TNRC6B: variants seen among roughly 807,000 people sequenced by gnomAD.
TNRC6B encodes the protein trinucleotide repeat-containing gene 6B protein.
Under a neutral mutation model 203.6 loss-of-function variants are expected in TNRC6B, and 52 were observed. That is an observed-to-expected ratio of 0.26 (90% CI 0.20 to 0.32). The LOEUF is 0.32. Among genes scored for constraint, TNRC6B ranks in the 10% least tolerant of loss-of-function variants. The pLI is 1.00. For synonymous variants in TNRC6B, 838 were observed against 845.7 expected (o/e 0.99, Z 0.16); for missense variants, 1,923 against 2,286.2 (o/e 0.84, Z 3.24).
At chr22:40,273,738 C>T (rs374498596) in intron 7 of TNRC6B, 138 bp downstream of exon 7, 10 of 901,326 alleles carry the variant, frequency 1.1e-5, no homozygotes, top group South Asian at 3.7e-5. Context: ...AGTCACGACT[C>T]GCTGAGCAAC....
At chr22:40,311,865 A>T (rs1423163549) in intron 17 of TNRC6B, among the ~76,000 whole-genome samples, 2 of 152,218 alleles carry the variant, frequency 1.3e-5, no homozygotes, top group African/African-American at 4.8e-5. Flanking sequence ...TATAATGCAG[A>T]TCGTTCATAT....
At chr22:40,180,891 AC>A (rs146193685) in intron 1 of TNRC6B, among the ~76,000 whole-genome samples, 10 of 151,108 alleles carry the variant, frequency 6.6e-5, no homozygotes, top group East Asian at 5.8e-4. Flanking sequence ...ATTAACTGCC[AC>A]CCCCCCCACC....
chr22:40,107,176 T>TA (rs1442152976), intron 1 of TNRC6B: 1 of 536,816 alleles, frequency 1.9e-6, no homozygotes, highest in African/African-American at 1.9e-5. Flanking sequence ...GTATCCTATT[T>TA]AAGAAATCCT....
Position 40,267,841 on chromosome 22 carries a change from G to A in TNRC6B, c.2806+805G>A, listed in dbSNP as rs947614383. ...GCTATGATCTCACCACTGCACTCCA[G>A]TTTGGGAGACAGAGCGAGACCCTGT... On this transcript the variant is annotated intron_variant, in intron 5 of 22. Coordinates refer to ENST00000454349, the MANE Select transcript of TNRC6B (RefSeq NM_001162501.2). Among the ~76,000 whole-genome samples the A allele has an allele frequency of 3.3e-5, 5 of 151,776 alleles. No homozygotes were observed. In the Admixed American group the frequency reaches 3.3e-4, roughly 10 times the overall value.
chr22:40,282,459 GGAA>G (rs1425216632), intron 11 of TNRC6B, among the ~76,000 whole-genome samples: 17 of 152,192 alleles, frequency 1.1e-4, no homozygotes, highest in African/African-American at 3.9e-4. Context: ...TTATATAAAT[GGAA>G]GAAATTATTA....
intron 4 of TNRC6B, among the ~76,000 whole-genome samples, chr22:40,164,560 C>G (rs2068901184): frequency 6.6e-6 from 1 of 150,592 alleles, no homozygotes; most frequent in African/African-American, 2.4e-5. Context: ...GTCAGGAGTC[C>G]AAGACCAGCC....
chr22:40,157,820 A>T (rs1023414483), intron 4 of TNRC6B, among the ~76,000 whole-genome samples: 1 of 152,136 alleles, frequency 6.6e-6, no homozygotes, highest in Non-Finnish European at 1.5e-5. Flanking sequence ...ACTTTGCTTA[A>T]ATATGTTTTA....
rs1252616640 is a variant in TNRC6B at position 40,324,278 on chromosome 22, G to A, written c.*1037G>A. The A allele has an allele frequency of 1.3e-5, 2 of 151,360 alleles. No individual in the cohort carries two copies. The highest frequency in any genetic ancestry group is 1.9e-4 in the East Asian group (1 of 5,170). The allele number at this position is 151,360 out of a possible 1,614,324, so 9.4% of individuals were successfully genotyped here. ...AGGAGGTACCTCTTGGAGCAACGGTGTGTTTATTTCTGTTTTTTTTTTTTT... is the reference window on the plus strand; with the variant it reads ...AGGAGGTACCTCTTGGAGCAACGGTATGTTTATTTCTGTTTTTTTTTTTTT... On this transcript the variant is annotated 3_prime_UTR_variant, in exon 23 of 23. Coordinates refer to ENST00000454349, the MANE Select transcript of TNRC6B (RefSeq NM_001162501.2).
chr22:40,257,826 T>G (rs1321438316), intron 3 of TNRC6B, among the ~76,000 whole-genome samples: 1 of 151,966 alleles, frequency 6.6e-6, no homozygotes, highest in Non-Finnish European at 1.5e-5. Context: ...AGTTCGAGAC[T>G]AGCCTGGCCA....
At chr22:40,156,296 C>A in intron 4 of TNRC6B, 1 of 1,013,234 alleles carries the variant, frequency 9.9e-7, no homozygotes, top group Non-Finnish European at 1.5e-6. Context: ...CATTGGGGAA[C>A]TCACCAGTTG....
intron 2 of TNRC6B, among the ~76,000 whole-genome samples, chr22:40,250,409 T>C (rs1211683920): frequency 6.6e-6 from 1 of 152,244 alleles, no homozygotes; most frequent in African/African-American, 2.4e-5. Flanking sequence ...CTGTCCAGCC[T>C]TCTAGGTTAA....
At position 40,307,971 on chromosome 22, in the gene TNRC6B, C is replaced by G. The variant is rs180994621; in HGVS notation, c.4121-541C>G. On this transcript the variant is annotated intron_variant, in intron 15 of 22. Transcript: ENST00000454349. ...CACCACTCTCCGCCTCACTTCATCC[C>G]AGAGTTAGCTAACCATTGGAGTCAT... Among the ~76,000 whole-genome samples the G allele has an allele frequency of 8.5e-5, 13 of 152,304 alleles. No homozygotes were observed. The East Asian group carries it at 2.3e-3, about 27-fold the overall frequency.
intron 10 of TNRC6B, 104 bp from the exon 11 acceptor site, chr22:40,281,015 T>A: frequency 9.8e-7 from 1 of 1,015,844 alleles, no homozygotes; most frequent in Non-Finnish European, 1.4e-6. Flanking sequence ...GCTAATACAC[T>A]CTAACTTTGT....
chr22:40,188,555 G>A (rs1398768602), intron 1 of TNRC6B, among the ~76,000 whole-genome samples: 6 of 152,094 alleles, frequency 3.9e-5, no homozygotes, highest in Non-Finnish European at 7.4e-5. Flanking sequence ...GCAGGTGATC[G>A]CGTGTGCTCC....
chr22:40,177,513 C>T (rs1330203503), upstream of TNRC6B, among the ~76,000 whole-genome samples: 2 of 152,138 alleles, frequency 1.3e-5, no homozygotes, highest in Non-Finnish European at 2.9e-5. Context: ...TATTTCACCT[C>T]ATTCTTTCAA....
chr22:40,199,759 A>G (rs373730192), intron 1 of TNRC6B, among the ~76,000 whole-genome samples: 1 of 150,518 alleles, frequency 6.6e-6, no homozygotes. Flanking sequence ...TGATGGTTGT[A>G]TTATGGTTAT....
At chr22:40,218,574 C>T (rs762465129) in intron 1 of TNRC6B, among the ~76,000 whole-genome samples, 37 of 152,096 alleles carry the variant, frequency 2.4e-4, no homozygotes, top group Non-Finnish European at 4.3e-4. Flanking sequence ...ATGATCCACT[C>T]GCCTTGGCTT....
At chr22:40,223,993 G>A (rs1015234433) in intron 1 of TNRC6B, among the ~76,000 whole-genome samples, 2 of 152,062 alleles carry the variant, frequency 1.3e-5, no homozygotes, top group Non-Finnish European at 2.9e-5. Flanking sequence ...GTATCTTGGT[G>A]TACTTTGGTG....
intron 10 of TNRC6B, 111 bp downstream of exon 10, chr22:40,280,254 C>G (rs2070706292): frequency 9.4e-7 from 1 of 1,059,232 alleles, no homozygotes; most frequent in Admixed American, 2.6e-5. Flanking sequence ...ACTAGATGAG[C>G]AAAACACAAA....
Sources: allele counts gnomAD v4.1 joint callset (sites outside exome capture counted in the v4.1 genomes callset), GRCh38; gene constraint gnomAD v4.1.1; transcripts MANE v1.5; gene names NCBI Gene and HGNC (gene_info 2026-07-23, HGNC 2026-07-21).